RAP1GAP2: variants seen among roughly 807,000 people sequenced by gnomAD.
RAP1GAP2 encodes RAP1 GTPase activating protein 2.
In RAP1GAP2, 27 loss-of-function variants were observed where a neutral mutation model predicts 95.0. That is an observed-to-expected ratio of 0.28 (90% confidence interval 0.21 to 0.39). RAP1GAP2 has a LOEUF of 0.39. Ranked by LOEUF, RAP1GAP2 falls within the 10% of genes least tolerant of loss-of-function variation. The pLI, the probability that RAP1GAP2 is intolerant of heterozygous loss-of-function variation, is 1.00. For synonymous variants in RAP1GAP2, 373 were observed against 380.9 expected, an observed-to-expected ratio of 0.98 and a Z score of 0.24; for missense variants, 771 against 970.0, an observed-to-expected ratio of 0.79 and a Z score of 2.72.
intron 2 of RAP1GAP2, among the ~76,000 whole-genome samples, chr17:2,877,921 C>T (rs2073152715): frequency 6.6e-6 from 1 of 151,976 alleles, no homozygotes; most frequent in African/African-American, 2.4e-5. Flanking sequence ...GAGTGGGATC[C>T]TGGAGATTGG....
rs2047433667 is a variant in RAP1GAP2, at chr17:3,034,991, T to TG, written c.*1630_*1631insG. 2 of 152,014 alleles carry TG rather than the reference T, an allele frequency of 1.3e-5. No homozygotes were observed. Among genetic ancestry groups the TG allele is most frequent in the African/African-American group, 4.8e-5 (2 of 41,374 alleles). The allele number at this position is 152,014 out of a possible 1,614,324, so 9.4% of individuals were successfully genotyped here. On this transcript the variant is annotated 3_prime_UTR_variant, in exon 25 of 25. Coordinates refer to ENST00000254695, the MANE Select transcript of RAP1GAP2 (RefSeq NM_015085.5). This position sits in a 1 kb window ranked among gnomAD's most constrained non-coding sequence, Gnocchi z 5.1. ...TAAATACTACACTTTTTTTTTTTTTTTTTAACTGACATTGTGAAATTCTCC... is the reference window on the plus strand; with the variant it reads ...TAAATACTACACTTTTTTTTTTTTTTGTTTAACTGACATTGTGAAATTCTCC...
At chr17:2,824,135 AAG>A (rs2070435833) in intron 2 of RAP1GAP2, among the ~76,000 whole-genome samples, 1 of 144,946 alleles carries the variant, frequency 6.9e-6, no homozygotes, top group Non-Finnish European at 1.5e-5. Flanking sequence ...AAAAAAAAAA[AAG>A]AAAGAAAGAA....
At chr17:2,993,515 G>A (rs972121529) in intron 12 of RAP1GAP2, among the ~76,000 whole-genome samples, 4 of 151,752 alleles carry the variant, frequency 2.6e-5, no homozygotes, top group Non-Finnish European at 4.4e-5. Flanking sequence ...GGAGGCTGCA[G>A]TGAGCTGAGA....
chr17:3,022,280 A>T (rs1029325278), intron 19 of RAP1GAP2, among the ~76,000 whole-genome samples: 2 of 152,218 alleles, frequency 1.3e-5, no homozygotes, highest in African/African-American at 4.8e-5. Context: ...ATGTCAGGAT[A>T]TGGAGAAATG....
Position 2,802,050 on chromosome 17 carries a change from C to T in RAP1GAP2, c.80+1500C>T, listed in dbSNP as rs1157021475. Among the ~76,000 whole-genome samples the T allele has an allele frequency of 2.0e-5, 3 of 152,144 alleles. No homozygotes were observed. The East Asian group carries it at 5.8e-4, about 29-fold the overall frequency. ...ATTCTAGGAGGAAAAAAGCATTGGC[C>T]TCTAGCTCAAAATATTCTCCCGGCA... On this transcript the variant is annotated intron_variant, in intron 2 of 24. Coordinates refer to ENST00000254695, the MANE Select transcript of RAP1GAP2 (RefSeq NM_015085.5).
rs555071662 is a variant in RAP1GAP2 at position 2,993,753 on chromosome 17, G to A, written c.915-1584G>A. Among the ~76,000 whole-genome samples, 4 of 151,886 alleles carry A rather than the reference G, an allele frequency of 2.6e-5. No individual in the cohort carries two copies. In the East Asian group the frequency reaches 5.8e-4, roughly 22 times the overall value. On this transcript the variant is annotated intron_variant, in intron 12 of 24. Transcript: ENST00000254695. Reference sequence around the variant, plus strand: ...CTGTGACTTTAAAATGTGAAAAAACGGCCAGGCATGGTGGGTCTCACCTGT... The same window carrying A: ...CTGTGACTTTAAAATGTGAAAAAACAGCCAGGCATGGTGGGTCTCACCTGT...
chr17:2,810,522 CTTTTTTTTTTTTT>C (rs1169922962), intron 2 of RAP1GAP2, among the ~76,000 whole-genome samples: 3 of 69,428 alleles, frequency 4.3e-5, no homozygotes, highest in African/African-American at 1.8e-4. Context: ...TCCCCCCACC[CTTTTTTTTTTTTT>C]TTTTTTTTTT....
At chr17:2,804,134 A>G (rs949543002) in intron 2 of RAP1GAP2, among the ~76,000 whole-genome samples, 8 of 152,124 alleles carry the variant, frequency 5.3e-5, no homozygotes, top group African/African-American at 1.4e-4. Context: ...AGCTCACTGC[A>G]TTCCCTGCCA....
intron 3 of RAP1GAP2, among the ~76,000 whole-genome samples, chr17:2,934,787 TCC>T (rs1597654005): frequency 6.6e-6 from 1 of 152,258 alleles, no homozygotes; most frequent in South Asian, 2.1e-4. Context: ...CCAGTGGATG[TCC>T]TTTTAGTTTG....
At chr17:2,824,925 C>T (rs776071384) in intron 2 of RAP1GAP2, among the ~76,000 whole-genome samples, 5 of 151,938 alleles carry the variant, frequency 3.3e-5, no homozygotes, top group African/African-American at 7.2e-5. Flanking sequence ...TACCCCAAAA[C>T]GTATCATGCT....
At chr17:3,023,592 C>T (rs1049218695) in intron 19 of RAP1GAP2, among the ~76,000 whole-genome samples, 3 of 152,126 alleles carry the variant, frequency 2.0e-5, no homozygotes, top group African/African-American at 7.2e-5. Context: ...TAGAGATGTC[C>T]AGGGAGTGGT....
Position 2,904,574 on chromosome 17 carries a change from G to GTA in RAP1GAP2, c.81-710_81-709insTA. ...TGTGTGTGTGTGTGTGTGTGTACGTGCAGAGGGGCTCAAGGGAGAATGAAT... is the reference window on the plus strand; with the variant it reads ...TGTGTGTGTGTGTGTGTGTGTACGTGTACAGAGGGGCTCAAGGGAGAATGAAT... On this transcript the variant is annotated intron_variant, in intron 2 of 24. Coordinates refer to ENST00000254695, the MANE Select transcript of RAP1GAP2 (RefSeq NM_015085.5). This position sits in a 1 kb window ranked among gnomAD's most constrained non-coding sequence, Gnocchi z 4.7. 6.7e-6 allele frequency among the ~76,000 whole-genome samples: 1 copy of GTA among 149,258 alleles called. No homozygotes were observed. Among genetic ancestry groups the GTA allele is most frequent in the Non-Finnish European group, 1.5e-5 (1 of 66,932 alleles).
intron 3 of RAP1GAP2, among the ~76,000 whole-genome samples, chr17:2,950,558 TCAC>T: frequency 6.6e-6 from 1 of 151,924 alleles, no homozygotes; most frequent in South Asian, 2.1e-4. Context: ...ACGCCTGTTC[TCAC>T]CTCATCTGCC....
intron 2 of RAP1GAP2, among the ~76,000 whole-genome samples, chr17:2,833,325 T>A (rs904848147): frequency 7.9e-5 from 12 of 151,724 alleles, no homozygotes; most frequent in African/African-American, 2.9e-4. Flanking sequence ...TTAGTAGAGA[T>A]GAGGTTTCAC....
chr17:2,974,931 T>G (rs1489562271), intron 8 of RAP1GAP2, among the ~76,000 whole-genome samples: 1 of 152,050 alleles, frequency 6.6e-6, no homozygotes, highest in Admixed American at 6.6e-5. Context: ...AAAATGATGG[T>G]TTAGAAATAA....
intron 14 of RAP1GAP2, among the ~76,000 whole-genome samples, chr17:3,002,254 C>G (rs1031454172): frequency 2.0e-5 from 3 of 152,230 alleles, no homozygotes; most frequent in African/African-American, 4.8e-5. Flanking sequence ...AACCATCATG[C>G]CTGGCTGTCT....
chr17:2,935,101 G>A (rs1447420020), intron 3 of RAP1GAP2, among the ~76,000 whole-genome samples: 1 of 152,086 alleles, frequency 6.6e-6, no homozygotes, highest in African/African-American at 2.4e-5. Flanking sequence ...GCTGACTATG[G>A]GTTTGCATTG....
At position 2,858,896 on chromosome 17, in the gene RAP1GAP2, G is replaced by GA. The variant is rs202071363; in HGVS notation, c.81-46379dup. 5.4e-3 allele frequency among the ~76,000 whole-genome samples: 808 copies of GA among 150,612 alleles called. 8 individuals are homozygous for GA. The highest frequency in any genetic ancestry group is 0.018 in the African/African-American group (751 of 41,068). ...CATTGCACTCCAGCCTGGGCAACAG[G>GA]AAAAAAAAAGTTAAGAATTCTTAAA... On this transcript the variant is annotated intron_variant, in intron 2 of 24. Transcript: ENST00000254695.
chr17:2,788,698 C>T (rs1196268228), intron 1 of RAP1GAP2, among the ~76,000 whole-genome samples: 1 of 152,146 alleles, frequency 6.6e-6, no homozygotes, highest in African/African-American at 2.4e-5. Flanking sequence ...TGTTCTAGTC[C>T]AAGTCCTAAG....
Sources: allele counts gnomAD v4.1 joint callset (sites outside exome capture counted in the v4.1 genomes callset), GRCh38; gene constraint gnomAD v4.1.1; non-coding constraint Gnocchi (gnomAD v3.1); transcripts MANE v1.5; gene names NCBI Gene and HGNC (gene_info 2026-07-23, HGNC 2026-07-21).